The following ITGA9 variants were observed in gnomAD, a reference collection of about 807,000 sequenced individuals.
The protein encoded by ITGA9 is integrin subunit alpha 9, also known as integrin alpha-9.
A neutral mutation model predicts 127.8 loss-of-function variants in ITGA9; 56 were observed. That is an observed-to-expected ratio of 0.44 (90% confidence interval 0.35 to 0.55). The LOEUF is 0.55. Ranked by LOEUF, ITGA9 falls within the 20% of genes least tolerant of loss-of-function variation. The pLI is 0.00. For synonymous variants in ITGA9, 508 were observed against 514.5 expected, an observed-to-expected ratio of 0.99 and a Z score of 0.17; for missense variants, 1,196 against 1,347.1, an observed-to-expected ratio of 0.89 and a Z score of 1.76.
rs566596398 is a variant in ITGA9 at position 37,695,715 on chromosome 3, C to G, written c.2067+11700C>G. 1.9e-3 allele frequency among the ~76,000 whole-genome samples: 296 copies of G among 152,294 alleles called. 1 individual carries two copies. The highest frequency in any genetic ancestry group is 6.8e-3 in the Middle Eastern group (2 of 294). Reference sequence around the variant, plus strand: ...CAGGCACCTGAGCATAACTAGTGAGCCTGTCCTGCTCTCCCAAGCAAGTCT... The same window carrying G: ...CAGGCACCTGAGCATAACTAGTGAGGCTGTCCTGCTCTCCCAAGCAAGTCT... On this transcript the variant is annotated intron_variant, in intron 18 of 27. Coordinates refer to ENST00000264741, the MANE Select transcript of ITGA9 (RefSeq NM_002207.3).
chr3:37,750,046 A>T (rs1559587341), intron 22 of ITGA9, among the ~76,000 whole-genome samples: 1 of 135,210 alleles, frequency 7.4e-6, no homozygotes, highest in East Asian at 2.6e-4. Flanking sequence ...CCCACTCCAT[A>T]CCCCCCCACC....
chr3:37,658,567 G>A (rs556928064), intron 17 of ITGA9, among the ~76,000 whole-genome samples: 2 of 152,074 alleles, frequency 1.3e-5, no homozygotes, highest in East Asian at 3.9e-4. Context: ...TTTATTTTGA[G>A]CCTATACGTG....
intron 4 of ITGA9, among the ~76,000 whole-genome samples, chr3:37,494,178 C>T (rs1216482337): frequency 6.6e-6 from 1 of 152,206 alleles, no homozygotes; most frequent in East Asian, 1.9e-4. Flanking sequence ...CAAGGGATCT[C>T]TGTCCCTTCT....
intron 16 of ITGA9, among the ~76,000 whole-genome samples, chr3:37,647,114 T>A (rs1180577219): frequency 6.6e-6 from 1 of 152,074 alleles, no homozygotes; most frequent in Non-Finnish European, 1.5e-5. Context: ...GATTCCATGG[T>A]GTATTGTTTT....
At chr3:37,781,450 G>A (rs1489434408) in intron 25 of ITGA9, among the ~76,000 whole-genome samples, 2 of 152,216 alleles carry the variant, frequency 1.3e-5, no homozygotes, top group African/African-American at 4.8e-5. Context: ...ATGAGTCCTA[G>A]TTTAAATGAC....
chr3:37,513,665 G>T, intron 8 of ITGA9, 98 bp from the exon 9 acceptor site: 1 of 1,430,208 alleles, frequency 7.0e-7, no homozygotes, highest in Non-Finnish European at 9.8e-7. Flanking sequence ...CAATTCCTCT[G>T]AGGGATGTTT....
intron 27 of ITGA9, among the ~76,000 whole-genome samples, chr3:37,813,791 A>T (rs1162949503): frequency 2.6e-5 from 4 of 152,182 alleles, no homozygotes; most frequent in African/African-American, 9.7e-5. Flanking sequence ...CAATTCTGAC[A>T]CTTATTATAA....
chr3:37,761,334 T>C (rs368830795), intron 23 of ITGA9, among the ~76,000 whole-genome samples: 30 of 152,336 alleles, frequency 2.0e-4, no homozygotes, highest in African/African-American at 6.7e-4. Flanking sequence ...ATTCCACTTT[T>C]AGGAACCTGT....
In ITGA9 at chr3:37,452,288, G is replaced by A; in HGVS notation, c.-87G>A. 1 of 741,250 alleles carries A rather than the reference G, an allele frequency of 1.3e-6. No individual in the cohort carries two copies. Among genetic ancestry groups the A allele is most frequent in the Non-Finnish European group, 1.7e-6 (1 of 604,990 alleles). The allele number at this position is 741,250 out of a possible 1,614,324, so 45.9% of individuals were successfully genotyped here. On this transcript the variant is annotated 5_prime_UTR_variant, in exon 1 of 28. Coordinates refer to ENST00000264741, the MANE Select transcript of ITGA9 (RefSeq NM_002207.3). The surrounding 1 kb of genome is among the most constrained non-coding windows in gnomAD (Gnocchi z 7.3). Reference sequence around the variant, plus strand: ...CCAGGCGCAGAGCTCCCGCCCCGGGGAGCTTCCTGGCCGTCGGCGGGCCCC... The same window carrying A: ...CCAGGCGCAGAGCTCCCGCCCCGGGAAGCTTCCTGGCCGTCGGCGGGCCCC...
chr3:37,766,964 G>A (rs995956207), intron 23 of ITGA9, among the ~76,000 whole-genome samples: 6 of 152,214 alleles, frequency 3.9e-5, no homozygotes, highest in Non-Finnish European at 8.8e-5. Flanking sequence ...TGGGAAATGG[G>A]CTTTGTCTGG....
At chr3:37,466,547 A>G (rs986368736) in intron 1 of ITGA9, among the ~76,000 whole-genome samples, 17 of 138,438 alleles carry the variant, frequency 1.2e-4, no homozygotes, top group African/African-American at 4.3e-4. Context: ...TTAACTGGGG[A>G]TGGGATAGGA....
chr3:37,688,802 AGATG>A (rs946544604), intron 18 of ITGA9, among the ~76,000 whole-genome samples: 7 of 151,112 alleles, frequency 4.6e-5, no homozygotes, highest in South Asian at 2.1e-4. Flanking sequence ...TCCACAGAAT[AGATG>A]GATGGATGGA....
At chr3:37,643,799 G>T (rs1700354058) in intron 16 of ITGA9, among the ~76,000 whole-genome samples, 1 of 152,160 alleles carries the variant, frequency 6.6e-6, no homozygotes, top group South Asian at 2.1e-4. Context: ...TTATTTAGGG[G>T]ATGTTCTTGC....
intron 18 of ITGA9, among the ~76,000 whole-genome samples, chr3:37,711,460 G>T (rs1701078741): frequency 6.6e-6 from 1 of 152,208 alleles, no homozygotes; most frequent in South Asian, 2.1e-4. Flanking sequence ...ACATTCAAGG[G>T]GAGGAGAATC....
intron 1 of ITGA9, among the ~76,000 whole-genome samples, chr3:37,461,612 G>A (rs1055036677): frequency 1.8e-4 from 27 of 152,126 alleles, no homozygotes; most frequent in African/African-American, 6.3e-4. Flanking sequence ...TTATTCATCA[G>A]ACTTTGAGTG....
chr3:37,487,036 A>C (rs1490587765), intron 4 of ITGA9, among the ~76,000 whole-genome samples: 1 of 152,236 alleles, frequency 6.6e-6, no homozygotes. Context: ...GATAAAAATC[A>C]ACGAAGGTCC....
chr3:37,514,533 G>GGA (rs1397134931), intron 9 of ITGA9, among the ~76,000 whole-genome samples: 1 of 140,762 alleles, frequency 7.1e-6, no homozygotes, highest in Non-Finnish European at 1.6e-5. Flanking sequence ...ATTTCAGCAT[G>GGA]GGGGGGCAGG....
intron 15 of ITGA9, among the ~76,000 whole-genome samples, chr3:37,585,025 G>A (rs1206553835): frequency 5.3e-5 from 8 of 152,044 alleles, no homozygotes; most frequent in Admixed American, 3.3e-4. Flanking sequence ...CAGCCATAGT[G>A]ACCATGGCTC....
rs192990971 is a variant in ITGA9, at chr3:37,670,670, A to G, written c.1917-13195A>G. Among the ~76,000 whole-genome samples the G allele has an allele frequency of 3.7e-4, 57 of 152,362 alleles. 1 individual carries two copies. The highest frequency in any genetic ancestry group is 2.7e-3 in the Admixed American group (42 of 15,310). On this transcript the variant is annotated intron_variant, in intron 17 of 27. Transcript: ENST00000264741. ...TTCATCCCTCCTTCAGAGTTATAGC[A>G]TTAGATTTACCTCCAGATCTTTTTA...
Sources: gnomAD v4.1 joint callset for allele counts (sites outside exome capture counted in the v4.1 genomes callset) on GRCh38, gnomAD v4.1.1 for gene constraint, Gnocchi (gnomAD v3.1) non-coding constraint, MANE v1.5 for transcripts, NCBI Gene and HGNC (gene_info 2026-07-23, HGNC 2026-07-21) for gene names.